ADAMTS13: variants seen among roughly 807,000 people sequenced by gnomAD.
The protein encoded by ADAMTS13 is ADAM metallopeptidase with thrombospondin type 1 motif 13, also known as A disintegrin and metalloproteinase with thrombospondin motifs 13.
A neutral mutation model predicts 155.1 loss-of-function variants in ADAMTS13; 110 were observed. The observed-to-expected ratio is 0.71, with a 90% CI of 0.61 to 0.83. ADAMTS13 has a LOEUF of 0.83. Among genes scored for constraint, ADAMTS13 ranks in the 40% least tolerant of loss-of-function variants. The pLI, the probability that ADAMTS13 is intolerant of heterozygous loss-of-function variation, is 0.00. For missense variants in ADAMTS13, 1,707 were observed against 1,891.7 expected, an observed-to-expected ratio of 0.90 and a Z score of 1.81; for synonymous variants, 758 against 756.4, an observed-to-expected ratio of 1.00 and a Z score of -0.03.
rs1328519258 is a variant in ADAMTS13, at chr9:133,425,790, G to A, written c.415-148G>A. On this transcript the variant is annotated intron_variant, in intron 4 of 28. Transcript: ENST00000355699. This position sits in a 1 kb window ranked among gnomAD's most constrained non-coding sequence, Gnocchi z 4.6. ...ACCCAGCACTCAGCACAGGCTGCCT[G>A]ACTACTTCTCTGAGCCTCAGTTGTC... The A allele has an allele frequency of 2.7e-6, 4 of 1,463,400 alleles. No individual in the cohort carries two copies. The African/African-American group carries it at 5.6e-5, about 20-fold the overall frequency. 90.7% of individuals were successfully genotyped at this position (1,463,400 alleles called of 1,614,324 possible). A position where few individuals can be genotyped will look rare whatever the true frequency, so the allele number is the denominator to read the frequency against.
intron 8 of ADAMTS13, among the ~76,000 whole-genome samples, chr9:133,432,197 A>G (rs1239002561): frequency 4.6e-5 from 7 of 152,166 alleles, no homozygotes; most frequent in Non-Finnish European, 1.0e-4. Context: ...CCCAGGAGGC[A>G]GAGGTTGAGG....
chr9:133,418,036 C>A (rs587775673), upstream of ADAMTS13: 74 of 590,860 alleles, frequency 1.3e-4, 1 homozygote, highest in South Asian at 1.5e-3. Context: ...CTCCAGTCCC[C>A]GGAAGCGCTC....
intron 15 of ADAMTS13, among the ~76,000 whole-genome samples, chr9:133,439,836 T>C (rs974311614): frequency 1.3e-5 from 2 of 152,146 alleles, no homozygotes; most frequent in African/African-American, 4.8e-5. Flanking sequence ...TGCAAAGACA[T>C]GATTGACTAA....
chr9:133,432,772 G>C, intron 9 of ADAMTS13, 80 bp downstream of exon 9: 1 of 1,383,770 alleles, frequency 7.2e-7, no homozygotes, highest in South Asian at 1.2e-5. Flanking sequence ...CTATTCCTAG[G>C]TCAGGAGGCA....
chr9:133,453,439 C>T (rs1006844162), intron 23 of ADAMTS13, among the ~76,000 whole-genome samples: 3 of 151,676 alleles, frequency 2.0e-5, no homozygotes, highest in Non-Finnish European at 4.4e-5. Flanking sequence ...GAGATTGTGC[C>T]ACTGCACTCC....
In ADAMTS13 at chr9:133,425,181, T is replaced by G. The variant is rs894375368; in HGVS notation, c.331-348T>G. ...AGCTACTAAAAATACAAAACTTAGCTGGGCATGGTGGCAGGCGCCTGTAAT... is the reference window on the plus strand; with the variant it reads ...AGCTACTAAAAATACAAAACTTAGCGGGGCATGGTGGCAGGCGCCTGTAAT... On this transcript the variant is annotated intron_variant, in intron 3 of 28. Transcript: ENST00000355699. This position sits in a 1 kb window ranked among gnomAD's most constrained non-coding sequence, Gnocchi z 4.6. Among the ~76,000 whole-genome samples the G allele has an allele frequency of 1.3e-5, 2 of 152,170 alleles. No homozygotes were observed. The highest frequency in any genetic ancestry group is 2.9e-5 in the Non-Finnish European group (2 of 68,018).
Position 133,430,013 on chromosome 9 carries a change from A to G in ADAMTS13, c.899A>G (p.Gln300Arg), listed in dbSNP as rs1250297692. 1 of 1,584,274 alleles carries G rather than the reference A, an allele frequency of 6.3e-7. No homozygotes were observed. The highest frequency in any genetic ancestry group is 2.3e-5 in the East Asian group (1 of 44,036). The change falls in exon 8 of 29, where the codon CAG becomes CGG. Residue 300 changes from glutamine to arginine, a missense_variant. Coordinates refer to ENST00000355699, the MANE Select transcript of ADAMTS13 (RefSeq NM_139027.6). Reference sequence around the variant, plus strand: ...TCCGCGGGGCACCCGCCGGATGCGCAGCCTGGCCTCTACTACAGCGCCAAC... The same window carrying G: ...TCCGCGGGGCACCCGCCGGATGCGCGGCCTGGCCTCTACTACAGCGCCAAC... ...PGSAGHPPDA[Q>R]PGLYYSANEQ...
chr9:133,426,199 G>T lies in ADAMTS13; in HGVS notation c.540G>T (p.Arg180Ser), dbSNP rs1564409613. The change falls in exon 6 of 29, where the codon AGG becomes AGT. Residue 180 changes from arginine (R) to serine (S), a missense_variant and splice_region_variant. Around this residue, in one of 3 missense-constraint regions of ADAMTS13, gnomAD observed 733 missense variants for 749.6 expected, o/e 0.98. Transcript: ENST00000355699. ...CAAGTGACTGTTTTCTCTCACCGAG[G>T]TTTGACCTGGAGTTGCCTGATGGTA... ...GHADLVLYIT[R>S]FDLELPDGNR... 1 of 1,613,990 alleles carries T rather than the reference G, an allele frequency of 6.2e-7. No individual in the cohort carries two copies. The highest frequency in any genetic ancestry group is 1.1e-5 in the South Asian group (1 of 91,088).
At chr9:133,428,089 A>G (rs2130793583) in intron 6 of ADAMTS13, among the ~76,000 whole-genome samples, 1 of 152,180 alleles carries the variant, frequency 6.6e-6, no homozygotes, top group East Asian at 1.9e-4. Flanking sequence ...CTCCCACCCC[A>G]TTAGGAGTCC....
chr9:133,432,525 G>A (rs1840843972), intron 8 of ADAMTS13, 63 bp from the exon 9 acceptor site: 2 of 1,394,560 alleles, frequency 1.4e-6, no homozygotes, highest in Admixed American at 3.9e-5. Flanking sequence ...AGTTAAGGTT[G>A]GACACTGGCC....
At chr9:133,416,472 C>G (rs1340800533) in intron 1 of ADAMTS13, among the ~76,000 whole-genome samples, 1 of 152,170 alleles carries the variant, frequency 6.6e-6, no homozygotes, top group East Asian at 1.9e-4. Flanking sequence ...CTGGGCCTCC[C>G]AAAGTGCTGG....
chr9:133,446,135 ACACAGCGTT>A (rs1201833679), intron 21 of ADAMTS13, among the ~76,000 whole-genome samples: 2 of 152,336 alleles, frequency 1.3e-5, no homozygotes, highest in East Asian at 1.9e-4. Flanking sequence ...GCTTTAAGAT[ACACAGCGTT>A]CTTCTATTTT....
upstream of ADAMTS13, chr9:133,418,139 G>A: frequency 2.2e-6 from 1 of 451,220 alleles, no homozygotes; most frequent in Non-Finnish European, 3.9e-6. Flanking sequence ...CGCCGCCTTA[G>A]CCAGCGGCAT....
At chr9:133,421,278 A>G (rs1277627429), upstream of ADAMTS13, among the ~76,000 whole-genome samples, 2 of 152,190 alleles carry the variant, frequency 1.3e-5, no homozygotes, top group Non-Finnish European at 2.9e-5. Context: ...AAAACAAACA[A>G]AAACCAAAAA....
chr9:133,435,998 A>C (rs1326579149), intron 11 of ADAMTS13, among the ~76,000 whole-genome samples: 1 of 103,642 alleles, frequency 9.6e-6, no homozygotes, highest in Admixed American at 1.0e-4. Context: ...TTTTTTTTTT[A>C]ATAGAGATGG....
In ADAMTS13 at chr9:133,440,625, T is replaced by C; in HGVS notation, c.1968+100T>C. On this transcript the variant is annotated intron_variant, in intron 16 of 28. Coordinates refer to ENST00000355699, the MANE Select transcript of ADAMTS13 (RefSeq NM_139027.6). The surrounding 1 kb of genome is among the most constrained non-coding windows in gnomAD (Gnocchi z 4.3). ...CCATCCATTCCCTGATTCGTTCATT[T>C]ATTCATTCAGCGGTCACTTACAGGG... 1 of 1,369,934 alleles carries C rather than the reference T, an allele frequency of 7.3e-7. No homozygotes were observed. The allele number at this position is 1,369,934 out of a possible 1,614,324, so 84.9% of individuals were successfully genotyped here.
At chr9:133,437,598 A>G in intron 12 of ADAMTS13, 151 bp from the exon 13 acceptor site, 1 of 882,562 alleles carries the variant, frequency 1.1e-6, no homozygotes, top group South Asian at 1.4e-5. Flanking sequence ...AGATTAGATT[A>G]GGATCGTGAT....
At chr9:133,417,568 T>C (rs1422031649), upstream of ADAMTS13, 6 of 1,578,454 alleles carry the variant, frequency 3.8e-6, no homozygotes, top group Middle Eastern at 1.7e-4. Context: ...CTCCGTCGCG[T>C]TCTGCGGGAA....
At position 133,436,901 on chromosome 9, in the gene ADAMTS13, TC is replaced by T; in HGVS notation, c.1385del (p.Pro462LeufsTer35). On this transcript the variant is annotated frameshift_variant, in exon 12 of 29. Coordinates refer to ENST00000355699, the MANE Select transcript of ADAMTS13 (RefSeq NM_139027.6). LOFTEE classifies it high-confidence loss of function. ...ARTDGQPLRS[S>X]PGGASFYHWG... ...GACCGACGGCCAGCCGCTGCGCTCCTCCCCTGGCGGCGCCTCCTTCTACCAC... is the reference window on the plus strand; with the variant it reads ...GACCGACGGCCAGCCGCTGCGCTCCTCCCTGGCGGCGCCTCCTTCTACCAC... 6.3e-7 allele frequency: 1 copy of T among 1,586,428 alleles called. No homozygotes were observed. The highest frequency in any genetic ancestry group is 8.6e-7 in the Non-Finnish European group (1 of 1,167,414).
Sources: allele counts gnomAD v4.1 joint callset (sites outside exome capture counted in the v4.1 genomes callset), GRCh38; gene constraint gnomAD v4.1.1; regional missense constraint gnomAD v4.1.1; non-coding constraint Gnocchi (gnomAD v3.1); transcripts MANE v1.5; gene names NCBI Gene and HGNC (gene_info 2026-07-23, HGNC 2026-07-21).